The following ZNF280A variants were observed in gnomAD, a reference collection of about 807,000 sequenced individuals.
ZNF280A encodes the protein suppressor of hairy wing homolog 1.
ZNF280A carries 26 observed loss-of-function variants against 35.9 expected under a neutral mutation model. The ratio of observed to expected loss-of-function variants is 0.72; its 90% CI spans 0.53 to 1.01. ZNF280A has a LOEUF of 1.01. Ranked by LOEUF, ZNF280A falls within the 50% of genes least tolerant of loss-of-function variation. The pLI, the probability that ZNF280A is intolerant of heterozygous loss-of-function variation, is 0.00. For missense variants in ZNF280A, 654 were observed against 652.0 expected, an observed-to-expected ratio of 1.00 and a Z score of -0.03; for synonymous variants, 231 against 232.9, an observed-to-expected ratio of 0.99 and a Z score of 0.07.
At chr22:22,517,066 T>A (rs2062080576) in intron 1 of ZNF280A, among the ~76,000 whole-genome samples, 1 of 151,842 alleles carries the variant, frequency 6.6e-6, no homozygotes, top group South Asian at 2.1e-4. Context: ...TGTCACTGCA[T>A]CCAGCCTGGG....
intron 1 of ZNF280A, among the ~76,000 whole-genome samples, chr22:22,518,572 G>C (rs1226074260): frequency 6.6e-6 from 1 of 151,552 alleles, no homozygotes; most frequent in Non-Finnish European, 1.5e-5. Flanking sequence ...CAGATCACTT[G>C]AGCTCAGGAG....
At chr22:22,516,505 G>A (rs1357900393) in intron 1 of ZNF280A, among the ~76,000 whole-genome samples, 1 of 151,870 alleles carries the variant, frequency 6.6e-6, no homozygotes. Flanking sequence ...CCACCTCCCT[G>A]ATGGAAGGTA....
chr22:22,517,233 C>G lies in ZNF280A; in HGVS notation c.-71-1532G>C, dbSNP rs532148945. The stretch of plus-strand genomic sequence containing the variant: ...ACCAGCCTGGGCAACATAGCAAGAC[C>G]CATCTCTACAAAAAATTTAAAAATA... On this transcript the variant is annotated intron_variant, in intron 1 of 1. Transcript: ENST00000302097. Among the ~76,000 whole-genome samples, 233 of 151,984 alleles carry G rather than the reference C, an allele frequency of 1.5e-3. 1 individual carries two copies. Among genetic ancestry groups the G allele is most frequent in the Non-Finnish European group, 2.9e-3 (197 of 67,988 alleles).
chr22:22,517,249 T>A (rs913111205), intron 1 of ZNF280A, among the ~76,000 whole-genome samples: 3 of 151,902 alleles, frequency 2.0e-5, no homozygotes, highest in East Asian at 2.0e-4. Context: ...CTACAAAAAA[T>A]TTAAAAATAT....
intron 1 of ZNF280A, among the ~76,000 whole-genome samples, chr22:22,519,617 T>G (rs1378115698): frequency 1.3e-5 from 2 of 151,992 alleles, no homozygotes; most frequent in Non-Finnish European, 2.9e-5. Flanking sequence ...CTTTTTGGCA[T>G]ATTTGAATCG....
intron 1 of ZNF280A, among the ~76,000 whole-genome samples, chr22:22,516,274 AAC>A (rs897377319): frequency 1.6e-5 from 2 of 124,916 alleles, no homozygotes; most frequent in African/African-American, 3.3e-5. Flanking sequence ...CCATCACACA[AAC>A]ACACACACAC....
rs1260282616 is a variant in ZNF280A at position 22,514,811 on chromosome 22, C to A, written c.820G>T (p.Val274Leu). ...TFDPKKENPIVLLSDFYYGQH... is the reference protein window; with the variant it reads ...TFDPKKENPILLLSDFYYGQH... Reference sequence around the variant, plus strand: ...CCATAGTAAAAGTCGCTAAGTAACACGATGGGATTTTCTTTCTTGGGATCA... The same window carrying A: ...CCATAGTAAAAGTCGCTAAGTAACAAGATGGGATTTTCTTTCTTGGGATCA... Residue 274 changes from valine to leucine, a missense_variant, in exon 2 of 2, where the codon GTG becomes TTG. Coordinates refer to ENST00000302097, the MANE Select transcript of ZNF280A (RefSeq NM_080740.5). The A allele has an allele frequency of 3.1e-6, 5 of 1,613,906 alleles. No individual in the cohort carries two copies. The highest frequency in any genetic ancestry group is 4.2e-6 in the Non-Finnish European group (5 of 1,179,992).
At chr22:22,515,895 T>G (rs1394235074) in intron 1 of ZNF280A, among the ~76,000 whole-genome samples, 194 bp from the exon 2 acceptor site, 1 of 151,918 alleles carries the variant, frequency 6.6e-6, no homozygotes, top group Admixed American at 6.6e-5. Context: ...CTTCTGCAGT[T>G]GTGAGGCAAA....
chr22:22,513,993 A>C lies in ZNF280A; in HGVS notation c.*9T>G. ...TTTCGGAACTCCTGGAAGTCAGTCG[A>C]ACATATTTTCAGCTAGAATCCTTGC... On this transcript the variant is annotated 3_prime_UTR_variant, in exon 2 of 2. Coordinates refer to ENST00000302097, the MANE Select transcript of ZNF280A (RefSeq NM_080740.5). 1.4e-6 allele frequency: 2 copies of C among 1,476,526 alleles called. No homozygotes were observed. Among genetic ancestry groups the C allele is most frequent in the African/African-American group, 2.8e-5 (2 of 70,976 alleles). The allele number at this position is 1,476,526 out of a possible 1,614,324, so 91.5% of individuals were successfully genotyped here.
chr22:22,514,708 T>C lies in ZNF280A; in HGVS notation c.923A>G (p.Lys308Arg), dbSNP rs1342146680. The change falls in exon 2 of 2, where the codon AAA becomes AGA. Residue 308 changes from lysine (K) to arginine (R), a missense_variant. Lys to Arg is a conservative substitution (Grantham distance 26, BLOSUM62 2). Coordinates refer to ENST00000302097, the MANE Select transcript of ZNF280A (RefSeq NM_080740.5). Reference sequence around the variant, plus strand: ...CATGTGATTCATAAACTTAATATTTTTTAGAACTTTCACGCAGCTGAGGCA... The same window carrying C: ...CATGTGATTCATAAACTTAATATTTCTTAGAACTTTCACGCAGCTGAGGCA... ...FKCLSCVKVL[K>R]NIKFMNHMKH... 1 of 1,613,812 alleles carries C rather than the reference T, an allele frequency of 6.2e-7. No homozygotes were observed. Among genetic ancestry groups the C allele is most frequent in the East Asian group, 2.2e-5 (1 of 44,804 alleles).
At chr22:22,518,498 A>G (rs553460415) in intron 1 of ZNF280A, among the ~76,000 whole-genome samples, 12 of 151,732 alleles carry the variant, frequency 7.9e-5, no homozygotes, top group African/African-American at 2.9e-4. Context: ...ATAAACATGC[A>G]AAAGGAAGCG....
Position 22,515,623 on chromosome 22 carries a change from T to A in ZNF280A, c.8A>T (p.Asp3Val), listed in dbSNP as rs765236086. The A allele has an allele frequency of 6.3e-7, 1 of 1,576,856 alleles. No homozygotes were observed. Among genetic ancestry groups the A allele is most frequent in the Non-Finnish European group, 8.6e-7 (1 of 1,164,752 alleles). The change falls in exon 2 of 2, where the codon GAT (aspartate) becomes GTT (valine). Residue 3 changes from aspartate to valine, a missense_variant. Transcript: ENST00000302097. MGDIFLCKKVESP... is the reference protein window; with the variant it reads MGVIFLCKKVESP... ...TTCCACTTTCTTACACAAAAAGATA[T>A]CTCCCATTTTCAATTTACTTTTTGC...
At position 22,517,834 on chromosome 22, in the gene ZNF280A, T is replaced by C. The variant is rs981501326; in HGVS notation, c.-71-2133A>G. ...GGGTTTTCACTCATGTGAGATGTGC[T>C]TCCCTCAAACCTTGTTATATCAGCA... On this transcript the variant is annotated intron_variant, in intron 1 of 1. Coordinates refer to ENST00000302097, the MANE Select transcript of ZNF280A (RefSeq NM_080740.5). Among the ~76,000 whole-genome samples, 36 of 146,832 alleles carry C rather than the reference T, an allele frequency of 2.5e-4. 1 individual carries two copies. Among genetic ancestry groups the C allele is most frequent in the African/African-American group, 8.7e-4 (34 of 39,192 alleles).
chr22:22,515,713 C>T lies in ZNF280A; in HGVS notation c.-71-12G>A, dbSNP rs1386452722. On this transcript the variant is annotated splice_polypyrimidine_tract_variant and intron_variant, in intron 1 of 1. Coordinates refer to ENST00000302097, the MANE Select transcript of ZNF280A (RefSeq NM_080740.5). ...TTACAAATTGCCACCTAAGTGCAACCATGTGACAATAGTCAATATTTATTT... is the reference window on the plus strand; with the variant it reads ...TTACAAATTGCCACCTAAGTGCAACTATGTGACAATAGTCAATATTTATTT... The T allele has an allele frequency of 1.3e-5, 20 of 1,510,004 alleles. No homozygotes were observed. The highest frequency in any genetic ancestry group is 1.8e-5 in the Non-Finnish European group (20 of 1,134,450). 93.5% of individuals were successfully genotyped at this position (1,510,004 alleles called of 1,614,324 possible).
chr22:22,515,071 A>T lies in ZNF280A; in HGVS notation c.560T>A (p.Ile187Asn), dbSNP rs2062053049. The change falls in exon 2 of 2, where the codon ATC becomes AAC. Residue 187 changes from isoleucine (I) to asparagine (N), a missense_variant. Transcript: ENST00000302097. Reference protein sequence around the residue: ...DSKRVKLRDGIPGVPSLAVVP... With the variant: ...DSKRVKLRDGNPGVPSLAVVP... ...CACAGCTAAAGAAGGTACCCCTGGG[A>T]TTCCATCCCTGAGTTTAACCCTTTT... 6.2e-7 allele frequency: 1 copy of T among 1,613,920 alleles called. No homozygotes were observed.
At position 22,515,620 on chromosome 22, in the gene ZNF280A, A is replaced by G. The variant is rs773149306; in HGVS notation, c.11T>C (p.Ile4Thr). MGD[I>T]FLCKKVESPK... ...TGATTCCACTTTCTTACACAAAAAG[A>G]TATCTCCCATTTTCAATTTACTTTT... Residue 4 changes from isoleucine to threonine, a missense_variant, in exon 2 of 2, where the codon ATC becomes ACC. Physicochemically the swap from Ile to Thr is moderately conservative, Grantham distance 89. Transcript: ENST00000302097. 6 of 1,583,752 alleles carry G rather than the reference A, an allele frequency of 3.8e-6. No individual in the cohort carries two copies. The East Asian group carries it at 6.7e-5, about 18-fold the overall frequency.
At chr22:22,516,250 AACCAAATGAG>A (rs1416801004) in intron 1 of ZNF280A, among the ~76,000 whole-genome samples, 1 of 149,594 alleles carries the variant, frequency 6.7e-6, no homozygotes, top group Admixed American at 6.7e-5. Flanking sequence ...CAGCCTGGGC[AACCAAATGAG>A]ACCCCATCAC....
At chr22:22,517,796 A>G (rs2062089477) in intron 1 of ZNF280A, among the ~76,000 whole-genome samples, 1 of 151,328 alleles carries the variant, frequency 6.6e-6, no homozygotes, top group Non-Finnish European at 1.5e-5. Context: ...TTGTGAGGAT[A>G]AGCGTGATGC....
chr22:22,514,940 C>T lies in ZNF280A; in HGVS notation c.691G>A (p.Ala231Thr), dbSNP rs1205492060. Residue 231 changes from alanine (A) to threonine (T), a missense_variant, in exon 2 of 2, where the codon GCT (alanine) becomes ACT (threonine). By Grantham distance (58) the Ala-to-Thr change is moderately conservative. Transcript: ENST00000302097. ...QNGVTFPWPD[A>T]NGKAHFNLTD... is the part of the protein sequence containing the mutation. ...AGATTGAAATGTGCCTTTCCATTAG[C>T]ATCAGGCCAAGGAAATGTTACTCCA... 10 of 1,613,908 alleles carry T rather than the reference C, an allele frequency of 6.2e-6. No homozygotes were observed. The highest frequency in any genetic ancestry group is 8.5e-6 in the Non-Finnish European group (10 of 1,179,976).
Sources: allele counts gnomAD v4.1 joint callset (sites outside exome capture counted in the v4.1 genomes callset), GRCh38; gene constraint gnomAD v4.1.1; transcripts MANE v1.5; gene names NCBI Gene and HGNC (gene_info 2026-07-23, HGNC 2026-07-21).